The following KLF13 variants were observed in gnomAD, a reference collection of about 807,000 sequenced individuals.
KLF13 encodes the protein KLF transcription factor 13, also known as Krueppel-like factor 13.
A neutral mutation model predicts 16.7 loss-of-function variants in KLF13; 8 were observed. The ratio of observed to expected loss-of-function variants is 0.48; its 90% CI spans 0.28 to 0.87. The LOEUF (loss-of-function observed/expected upper bound fraction) is 0.87, where lower values mean the gene tolerates loss of function less well. KLF13 is among the 40% of genes least tolerant of loss of function. The pLI is 0.10. For synonymous variants in KLF13, 245 were observed against 208.4 expected, an observed-to-expected ratio of 1.18 and a Z score of -1.51; for missense variants, 447 against 452.2, an observed-to-expected ratio of 0.99 and a Z score of 0.10.
intron 1 of KLF13, among the ~76,000 whole-genome samples, chr15:31,412,343 C>T (rs1248294960): frequency 6.6e-6 from 1 of 152,008 alleles, no homozygotes; most frequent in Non-Finnish European, 1.5e-5. Context: ...TTACTGCAGC[C>T]TGAATGGGCT....
intron 1 of KLF13, among the ~76,000 whole-genome samples, chr15:31,414,130 C>T (rs943013070): frequency 3.3e-5 from 5 of 151,996 alleles, no homozygotes; most frequent in African/African-American, 1.2e-4. Context: ...TAATAGATCA[C>T]TGGAATTAAA....
At chr15:31,347,160 T>TC (rs1416865669) in intron 1 of KLF13, among the ~76,000 whole-genome samples, 3 of 152,008 alleles carry the variant, frequency 2.0e-5, no homozygotes, top group African/African-American at 4.8e-5. Context: ...CAGCAGGCGT[T>TC]CCCCCCTCCA....
downstream of KLF13, among the ~76,000 whole-genome samples, chr15:31,405,169 G>C (rs145733001): frequency 2.0e-5 from 3 of 152,116 alleles, no homozygotes; most frequent in Non-Finnish European, 2.9e-5. Context: ...GAAAACAAGA[G>C]CCTGCGTAGT....
At chr15:31,343,914 C>A (rs770941624) in intron 1 of KLF13, among the ~76,000 whole-genome samples, 1 of 152,170 alleles carries the variant, frequency 6.6e-6, no homozygotes, top group Admixed American at 6.5e-5. Flanking sequence ...TACTTCTGGT[C>A]ACTTGTCAGT....
downstream of KLF13, among the ~76,000 whole-genome samples, chr15:31,406,347 G>A (rs1416349824): frequency 2.0e-5 from 3 of 152,158 alleles, no homozygotes; most frequent in African/African-American, 7.2e-5. Flanking sequence ...TGAGGCAGCA[G>A]GCACCTGTAA....
At chr15:31,412,350 G>A (rs1353214113) in intron 1 of KLF13, among the ~76,000 whole-genome samples, 2 of 152,018 alleles carry the variant, frequency 1.3e-5, no homozygotes, top group African/African-American at 4.8e-5. Flanking sequence ...AGCCTGAATG[G>A]GCTAAAACAC....
At chr15:31,334,572 C>T (rs527714354) in intron 1 of KLF13, among the ~76,000 whole-genome samples, 3 of 149,364 alleles carry the variant, frequency 2.0e-5, no homozygotes, top group Non-Finnish European at 3.0e-5. Context: ...GGATTACAGG[C>T]GCCTGCCACC....
chr15:31,406,669 G>T (rs2040132987), downstream of KLF13, among the ~76,000 whole-genome samples: 1 of 152,210 alleles, frequency 6.6e-6, no homozygotes, highest in South Asian at 2.1e-4. Flanking sequence ...TAAAATCAAG[G>T]TGTCAGCAGG....
intron 1 of KLF13, among the ~76,000 whole-genome samples, chr15:31,349,491 C>T (rs1246387138): frequency 6.6e-6 from 1 of 152,222 alleles, no homozygotes; most frequent in South Asian, 2.1e-4. Flanking sequence ...TTGCCTCGTT[C>T]TGCACTGACC....
Position 31,327,123 on chromosome 15 carries a change from C to T in KLF13, c.-90C>T. ...CCGAGGAGAGGGCGCGCCGCGCCCC[C>T]GCCCCCCGCCCGCTCTCCCGAGGCC... is the stretch of plus-strand genomic sequence containing the variant. On this transcript the variant is annotated 5_prime_UTR_variant, in exon 1 of 2. Coordinates refer to ENST00000307145, the MANE Select transcript of KLF13 (RefSeq NM_015995.4). 8.9e-7 allele frequency: 1 copy of T among 1,122,770 alleles called. No individual in the cohort carries two copies. The highest frequency in any genetic ancestry group is 1.1e-6 in the Non-Finnish European group (1 of 903,238). 69.6% of individuals were successfully genotyped at this position (1,122,770 alleles called of 1,614,324 possible). A position where few individuals can be genotyped will look rare whatever the true frequency, so the allele number is the denominator to read the frequency against.
chr15:31,330,287 C>T (rs2038803937), intron 1 of KLF13, among the ~76,000 whole-genome samples: 1 of 152,138 alleles, frequency 6.6e-6, no homozygotes, highest in South Asian at 2.1e-4. Flanking sequence ...TCTCTGCAGT[C>T]AGTGACTGAG....
At chr15:31,430,856 G>A (rs2040463557) in intron 1 of KLF13, among the ~76,000 whole-genome samples, 1 of 152,186 alleles carries the variant, frequency 6.6e-6, no homozygotes, top group Non-Finnish European at 1.5e-5. Flanking sequence ...TGAAGTCATA[G>A]GCACTCAGAA....
intron 1 of KLF13, among the ~76,000 whole-genome samples, chr15:31,412,575 C>G (rs972008531): frequency 1.3e-5 from 2 of 152,082 alleles, no homozygotes; most frequent in Non-Finnish European, 2.9e-5. Flanking sequence ...TAGTCATGCA[C>G]AACTGCAATT....
intron 1 of KLF13, among the ~76,000 whole-genome samples, chr15:31,426,237 C>T (rs973983220): frequency 5.9e-5 from 9 of 152,138 alleles, no homozygotes; most frequent in Admixed American, 2.6e-4. Context: ...CAACCACTGC[C>T]TGTTACCTAG....
At chr15:31,430,939 A>G (rs2040464403) in intron 1 of KLF13, among the ~76,000 whole-genome samples, 2 of 152,140 alleles carry the variant, frequency 1.3e-5, no homozygotes, top group Non-Finnish European at 2.9e-5. Flanking sequence ...AGACAAGTAC[A>G]CTCATGAGCC....
intron 1 of KLF13, among the ~76,000 whole-genome samples, chr15:31,349,132 C>T (rs908534581): frequency 1.8e-4 from 28 of 152,132 alleles, no homozygotes; most frequent in Admixed American, 1.4e-3. Flanking sequence ...AGGCAGATGG[C>T]GAGGTAGGGT....
downstream of KLF13, among the ~76,000 whole-genome samples, chr15:31,405,008 C>A (rs1421036979): frequency 6.6e-6 from 1 of 152,300 alleles, no homozygotes; most frequent in East Asian, 1.9e-4. Context: ...TAGGATAAAA[C>A]CAATGATATG....
In KLF13 at chr15:31,376,395, G is replaced by A. The variant is rs2039646588; in HGVS notation, c.*4096G>A. The A allele has an allele frequency of 1.3e-5, 2 of 152,306 alleles. No individual in the cohort carries two copies. Among genetic ancestry groups the A allele is most frequent in the South Asian group, 4.1e-4 (2 of 4,828 alleles). 9.4% of individuals were successfully genotyped at this position (152,306 alleles called of 1,614,324 possible). On this transcript the variant is annotated 3_prime_UTR_variant, in exon 2 of 2. Coordinates refer to ENST00000307145, the MANE Select transcript of KLF13 (RefSeq NM_015995.4). ...AAAGACACAGTGCTAGAGGTTTAAA[G>A]GGTGTAATGTGTTGGTCACATCACA...
At chr15:31,401,405 C>T (rs1295229333) in intron 2 of KLF13, among the ~76,000 whole-genome samples, 1 of 152,218 alleles carries the variant, frequency 6.6e-6, no homozygotes, top group Admixed American at 6.5e-5. Context: ...TGGGGTGTAA[C>T]ATCCCAGCTG....
Sources: allele counts gnomAD v4.1 joint callset (sites outside exome capture counted in the v4.1 genomes callset), GRCh38; gene constraint gnomAD v4.1.1; transcripts MANE v1.5; gene names NCBI Gene and HGNC (gene_info 2026-07-23, HGNC 2026-07-21).